PNPLA1: variants seen among roughly 807,000 people sequenced by gnomAD.
PNPLA1 encodes omega-hydroxyceramide transacylase.
PNPLA1 carries 36 observed loss-of-function variants against 51.7 expected under a neutral mutation model. That is an observed-to-expected ratio of 0.70 (90% CI 0.53 to 0.92). The LOEUF is 0.92. Ranked by LOEUF, PNPLA1 falls within the 40% of genes least tolerant of loss-of-function variation. The pLI is 0.00. For missense variants in PNPLA1, 658 were observed against 682.5 expected (o/e 0.96, Z 0.40); for synonymous variants, 293 against 280.1 (o/e 1.05, Z -0.46).
chr6:36,263,901 G>C (rs1769706569), intron 1 of PNPLA1, among the ~76,000 whole-genome samples: 4 of 152,130 alleles, frequency 2.6e-5, no homozygotes, highest in African/African-American at 9.7e-5. Context: ...ATGACCCAGA[G>C]CCCGCCACCT....
upstream of PNPLA1, among the ~76,000 whole-genome samples, chr6:36,266,605 C>T (rs1769766569): frequency 6.6e-6 from 1 of 152,154 alleles, no homozygotes; most frequent in Non-Finnish European, 1.5e-5. Flanking sequence ...ATGATTCACC[C>T]TTAGCTGAAA....
chr6:36,309,803 G>A (rs1388314290), intron 8 of PNPLA1, among the ~76,000 whole-genome samples: 1 of 152,148 alleles, frequency 6.6e-6, no homozygotes, highest in Admixed American at 6.5e-5. Context: ...AAAGGCTGGG[G>A]TAAGGGGTAG....
At chr6:36,296,160 A>G (rs1240357629) in intron 5 of PNPLA1, among the ~76,000 whole-genome samples, 1 of 152,168 alleles carries the variant, frequency 6.6e-6, no homozygotes, top group African/African-American at 2.4e-5. Context: ...AAATTAAACA[A>G]TTAGCTGAGC....
intron 7 of PNPLA1, 65 bp from the exon 8 acceptor site, chr6:36,307,522 G>T: frequency 1.3e-6 from 2 of 1,583,504 alleles, no homozygotes; most frequent in Non-Finnish European, 1.7e-6. Flanking sequence ...GAGCTGAGCA[G>T]GCCACCATGT....
chr6:36,311,595 A>G (rs925442839), intron 8 of PNPLA1, among the ~76,000 whole-genome samples, 168 bp from the exon 9 acceptor site: 12 of 152,350 alleles, frequency 7.9e-5, no homozygotes, highest in Admixed American at 2.0e-4. Context: ...TCCACATCCC[A>G]GCATTTCTCT....
chr6:36,296,342 T>TCACCA (rs1220251617), intron 5 of PNPLA1, among the ~76,000 whole-genome samples: 1 of 152,174 alleles, frequency 6.6e-6, no homozygotes, highest in Admixed American at 6.5e-5. Flanking sequence ...GAAAAAGGGA[T>TCACCA]CACCAGGTCA....
At chr6:36,292,259 G>A (rs1770710992) in intron 2 of PNPLA1, among the ~76,000 whole-genome samples, 1 of 152,004 alleles carries the variant, frequency 6.6e-6, no homozygotes, top group African/African-American at 2.4e-5. Flanking sequence ...GGGGATGAGG[G>A]ATGAATAGGC....
chr6:36,300,176 T>TGAGAGAGAGA (rs1246025508), intron 5 of PNPLA1, among the ~76,000 whole-genome samples: 1,281 of 71,828 alleles, frequency 0.018, 18 homozygotes, highest in African/African-American at 0.044. Context: ...TGTGTGTGTG[T>TGAGAGAGAGA]GTGAGAGAGA....
intron 1 of PNPLA1, among the ~76,000 whole-genome samples, chr6:36,284,251 G>A (rs1016917301): frequency 6.6e-5 from 10 of 152,236 alleles, no homozygotes; most frequent in African/African-American, 2.4e-4. Flanking sequence ...ATATAAGCCA[G>A]TCTGAACTTT....
intron 1 of PNPLA1, among the ~76,000 whole-genome samples, chr6:36,273,375 C>G (rs1769985924): frequency 6.6e-6 from 1 of 152,056 alleles, no homozygotes; most frequent in African/African-American, 2.4e-5. Flanking sequence ...TGGATCTTTC[C>G]AGATCTTTTT....
At chr6:36,293,314 T>C (rs1373391761) in intron 3 of PNPLA1, among the ~76,000 whole-genome samples, 188 bp downstream of exon 3, 1 of 152,102 alleles carries the variant, frequency 6.6e-6, no homozygotes, top group Non-Finnish European at 1.5e-5. Context: ...GATGAACTTC[T>C]CCAGCTGGGG....
At chr6:36,296,698 G>A (rs918093541) in intron 5 of PNPLA1, among the ~76,000 whole-genome samples, 2 of 152,174 alleles carry the variant, frequency 1.3e-5, no homozygotes, top group African/African-American at 4.8e-5. Flanking sequence ...AACAAGGGGG[G>A]TGGAGAGGCT....
chr6:36,307,605 C>T lies in PNPLA1; in HGVS notation c.1488C>T (p.Asp496=), dbSNP rs910041180. ...TGCCTAGGGAGAGCCCTGCTGAAGA[C>T]TCAAACTGGGTGAATAAGGTCTTCA... The part of the protein sequence containing the change: ...KPYVTESPAE[D]SNWVNKVFKK... Residue 496 remains aspartate, a synonymous_variant, in exon 8 of 9, where the codon GAC becomes GAT. Coordinates refer to ENST00000636260, the MANE Select transcript of PNPLA1 (RefSeq NM_001374623.1). 1.9e-6 allele frequency: 3 copies of T among 1,613,504 alleles called. No homozygotes were observed. Among genetic ancestry groups the T allele is most frequent in the Non-Finnish European group, 2.5e-6 (3 of 1,179,842 alleles).
rs772299482 is a variant in PNPLA1, at chr6:36,307,606, T to C, written c.1489T>C (p.Ser497Pro). 14 of 1,613,428 alleles carry C rather than the reference T, an allele frequency of 8.7e-6. No individual in the cohort carries two copies. Among genetic ancestry groups the C allele is most frequent in the Middle Eastern group, 1.6e-4 (1 of 6,080 alleles). Reference protein sequence around the residue: ...PYVTESPAEDSNWVNKVFKKN... With the variant: ...PYVTESPAEDPNWVNKVFKKN... ...GCCTAGGGAGAGCCCTGCTGAAGAC[T>C]CAAACTGGGTGAATAAGGTCTTCAA... Residue 497 changes from serine to proline, a missense_variant, in exon 8 of 9, where the codon TCA (serine) becomes CCA (proline). Coordinates refer to ENST00000636260, the MANE Select transcript of PNPLA1 (RefSeq NM_001374623.1).
At chr6:36,263,263 G>A (rs1769692603) in intron 1 of PNPLA1, among the ~76,000 whole-genome samples, 1 of 152,106 alleles carries the variant, frequency 6.6e-6, no homozygotes, top group Non-Finnish European at 1.5e-5. Flanking sequence ...CACCGGGAGA[G>A]GATATTTCCA....
chr6:36,300,981 T>C (rs976787702), intron 5 of PNPLA1, among the ~76,000 whole-genome samples: 2 of 152,250 alleles, frequency 1.3e-5, no homozygotes, highest in Non-Finnish European at 2.9e-5. Context: ...ACTACTTTAT[T>C]GTGTTCTTCA....
At chr6:36,273,728 C>CAAAAAAAAAAAAAAAAAAAAAAAAAAAA (rs57186870) in intron 1 of PNPLA1, among the ~76,000 whole-genome samples, 1 of 48,222 alleles carries the variant, frequency 2.1e-5, no homozygotes, top group Non-Finnish European at 3.4e-5. Flanking sequence ...GACCCCATCG[C>CAAAAAAAAAAAAAAAAAAAAAAAAAAAA]AAAAAAAAAA....
chr6:36,279,455 A>G (rs1315764078), intron 1 of PNPLA1, among the ~76,000 whole-genome samples: 1 of 152,198 alleles, frequency 6.6e-6, no homozygotes, highest in African/African-American at 2.4e-5. Flanking sequence ...GGCACTGGGG[A>G]GTCAAGCCTT....
intron 1 of PNPLA1, among the ~76,000 whole-genome samples, chr6:36,283,287 T>C (rs187223533): frequency 5.9e-5 from 9 of 152,346 alleles, no homozygotes; most frequent in South Asian, 4.1e-4. Flanking sequence ...TTAAACCAAC[T>C]CACTTAGACA....
Sources: gnomAD v4.1 joint callset for allele counts (sites outside exome capture counted in the v4.1 genomes callset) on GRCh38, gnomAD v4.1.1 for gene constraint, MANE v1.5 for transcripts, NCBI Gene and HGNC (gene_info 2026-07-23, HGNC 2026-07-21) for gene names.